Variants in SPTB observed in about 807,000 individuals in gnomAD.
SPTB encodes spectrin beta chain, erythrocytic.
In SPTB, 45 loss-of-function variants were observed where a neutral mutation model predicts 256.2. The observed-to-expected ratio is 0.18, with a 90% CI of 0.14 to 0.23. SPTB has a LOEUF of 0.23. SPTB is among the 10% of genes least tolerant of loss of function. The pLI is 1.00. For missense variants in SPTB, 2,715 were observed against 3,040.4 expected (o/e 0.89, Z 2.52); for synonymous variants, 1,231 against 1,243.1 (o/e 0.99, Z 0.21).
chr14:64,811,989 A>T (rs958415224), intron 2 of SPTB, among the ~76,000 whole-genome samples: 1 of 152,270 alleles, frequency 6.6e-6, no homozygotes, highest in Non-Finnish European at 1.5e-5. Context: ...TTTATCCTAC[A>T]GATCTATTCA....
chr14:64,803,503 G>A (rs2082926984), intron 4 of SPTB, 104 bp downstream of exon 4: 7 of 1,433,124 alleles, frequency 4.9e-6, no homozygotes, highest in Non-Finnish European at 6.9e-6. Context: ...AGCCTTCCCA[G>A]AATGTGCACT....
At chr14:64,855,380 C>T (rs1422690652) in intron 1 of SPTB, among the ~76,000 whole-genome samples, 2 of 152,146 alleles carry the variant, frequency 1.3e-5, no homozygotes, top group Non-Finnish European at 2.9e-5. Flanking sequence ...AGGAAAATGA[C>T]ACTCTAAGAA....
chr14:64,820,502 T>C (rs961877996), intron 2 of SPTB, among the ~76,000 whole-genome samples: 6 of 152,246 alleles, frequency 3.9e-5, no homozygotes, highest in African/African-American at 1.2e-4. Context: ...TATTTACTTG[T>C]TGGCCAGATG....
chr14:64,749,277 G>GA lies in SPTB; in HGVS notation c.*28dup. The GA allele has an allele frequency of 6.4e-7, 1 of 1,552,814 alleles. No homozygotes were observed. Among genetic ancestry groups the GA allele is most frequent in the Non-Finnish European group, 8.7e-7 (1 of 1,154,308 alleles). On this transcript the variant is annotated 3_prime_UTR_variant, in exon 36 of 36. Coordinates refer to ENST00000644917, the MANE Select transcript of SPTB (RefSeq NM_001355436.2). This position sits in a 1 kb window ranked among gnomAD's most constrained non-coding sequence, Gnocchi z 4.7. ...GGGCTGCCCGGTCTCTGCGCGTCCC[G>GA]ACTCCGCCGCGCCCGCCAGCCCCAC... is the stretch of plus-strand genomic sequence containing the variant.
chr14:64,799,118 T>C lies in SPTB; in HGVS notation c.1064+629A>G, dbSNP rs139453448. ...ATGAGTGCACGGTTGTGTGTGTATG[T>C]TTGTGTGTGCATGCATGTTCATGGG... On this transcript the variant is annotated intron_variant, in intron 9 of 35. Coordinates refer to ENST00000644917, the MANE Select transcript of SPTB (RefSeq NM_001355436.2). 2.6e-3 allele frequency among the ~76,000 whole-genome samples: 391 copies of C among 152,292 alleles called. 1 individual carries two copies. The highest frequency in any genetic ancestry group is 4.3e-3 in the Admixed American group (66 of 15,310).
rs111849078 is a variant in SPTB at position 64,774,434 on chromosome 14, G to A, written c.4936C>T (p.Arg1646Trp). 1.3e-5 allele frequency: 20 copies of A among 1,575,358 alleles called. No individual in the cohort carries two copies. Among genetic ancestry groups the A allele is most frequent in the African/African-American group, 5.4e-5 (4 of 74,114 alleles). Residue 1646 changes from arginine (R) to tryptophan (W), a missense_variant, in exon 24 of 36, where the codon CGG becomes TGG. By Grantham distance (101) the Arg-to-Trp change is moderately radical. This residue lies in a region of SPTB where 2,239 missense variants were observed against 2,384.4 expected (regional missense o/e 0.94). Coordinates refer to ENST00000644917, the MANE Select transcript of SPTB (RefSeq NM_001355436.2). ...YGRNIKQLAS[R>W]AQGLLSAGHP... Reference sequence around the variant, plus strand: ...CCTGCAGACAGCAGGCCCTGGGCCCGGCTGGCCAGCTGCTTGATGTTCCGG... The same window carrying A: ...CCTGCAGACAGCAGGCCCTGGGCCCAGCTGGCCAGCTGCTTGATGTTCCGG...
At chr14:64,794,402 T>C (rs1418957227) in intron 13 of SPTB, 65 bp downstream of exon 13, 28 of 1,594,336 alleles carry the variant, frequency 1.8e-5, no homozygotes, top group East Asian at 1.1e-4. Context: ...CCAAGTTGGG[T>C]TGTTAGGCCA....
At chr14:64,768,778 G>C (rs1016498653) in intron 29 of SPTB, among the ~76,000 whole-genome samples, 1 of 152,184 alleles carries the variant, frequency 6.6e-6, no homozygotes, top group Non-Finnish European at 1.5e-5. Flanking sequence ...ATGAGGCTGG[G>C]GACAAGTGCG....
At chr14:64,811,927 T>C (rs913923778) in intron 2 of SPTB, among the ~76,000 whole-genome samples, 24 of 152,224 alleles carry the variant, frequency 1.6e-4, no homozygotes, top group African/African-American at 5.5e-4. Flanking sequence ...GCAAGACCCA[T>C]CAGAATTACA....
chr14:64,801,160 C>T, intron 7 of SPTB, 125 bp downstream of exon 7: 1 of 801,720 alleles, frequency 1.2e-6, no homozygotes, highest in South Asian at 1.6e-5. Context: ...CTGCCCCTCA[C>T]TGTGCCCACA....
Position 64,845,415 on chromosome 14 carries a change from C to A in SPTB, c.-51-22270G>T, listed in dbSNP as rs1216470096. On this transcript the variant is annotated intron_variant, in intron 1 of 35. Coordinates refer to ENST00000644917, the MANE Select transcript of SPTB (RefSeq NM_001355436.2). This position sits in a 1 kb window ranked among gnomAD's most constrained non-coding sequence, Gnocchi z 4.8. ...CTGTGTGCCTTTGGAAACTATAAGCCTATTTACAAGTTATAATCTTAGCCC... is the reference window on the plus strand; with the variant it reads ...CTGTGTGCCTTTGGAAACTATAAGCATATTTACAAGTTATAATCTTAGCCC... Among the ~76,000 whole-genome samples the A allele has an allele frequency of 6.6e-6, 1 of 152,206 alleles. No individual in the cohort carries two copies. The highest frequency in any genetic ancestry group is 1.5e-5 in the Non-Finnish European group (1 of 68,038).
At position 64,795,414 on chromosome 14, in the gene SPTB, T is replaced by G. The variant is rs1416752075; in HGVS notation, c.1567A>C (p.Arg523=). 8.7e-6 allele frequency: 14 copies of G among 1,614,062 alleles called. No individual in the cohort carries two copies. In the East Asian group the frequency reaches 3.1e-4, roughly 36 times the overall value. The stretch of plus-strand genomic sequence containing the variant: ...TGCAGTGCCAGGGTGGTCTCGAGCC[T>G]CTGGCGCCGGGACTGCAGCAGCTCC... ...LQELLQSRRQ[R]LETTLALQKL... is the part of the protein sequence containing the mutation. The change falls in exon 12 of 36, where the codon AGG becomes CGG. Residue 523 remains arginine, a synonymous_variant. Transcript: ENST00000644917. The surrounding 1 kb of genome is among the most constrained non-coding windows in gnomAD (Gnocchi z 6.5).
In SPTB at chr14:64,772,084, C is replaced by T. The variant is rs754162397; in HGVS notation, c.5553+496G>A. Among the ~76,000 whole-genome samples, 3 of 152,166 alleles carry T rather than the reference C, an allele frequency of 2.0e-5. No individual in the cohort carries two copies. Among genetic ancestry groups the T allele is most frequent in the Non-Finnish European group, 4.4e-5 (3 of 68,024 alleles). On this transcript the variant is annotated intron_variant, in intron 26 of 35. Transcript: ENST00000644917. The surrounding 1 kb of genome is among the most constrained non-coding windows in gnomAD (Gnocchi z 5.4). ...TCCCATGTGGAAAGGCTGAAGTGCC[C>T]GGTGGCTAAGTATGTGGGGTCTATA...
At chr14:64,761,087 C>A (rs1159123616) in intron 32 of SPTB, among the ~76,000 whole-genome samples, 3 of 152,122 alleles carry the variant, frequency 2.0e-5, no homozygotes, top group Non-Finnish European at 4.4e-5. Flanking sequence ...CTGCTAGATG[C>A]CTTAGGCAAC....
chr14:64,749,004 G>A lies in SPTB; in HGVS notation c.*302C>T. 1 of 307,472 alleles carries A rather than the reference G, an allele frequency of 3.3e-6. No homozygotes were observed. The highest frequency in any genetic ancestry group is 3.6e-5 in the South Asian group (1 of 27,620). The allele number at this position is 307,472 out of a possible 1,614,324, so 19.0% of individuals were successfully genotyped here. A position where few individuals can be genotyped will look rare whatever the true frequency, so the allele number is the denominator to read the frequency against. ...CCCTCGGCTCAGGAGGAGGGTGGGAGAGGAGGGCGTGTGCCTCAGAGAACC... is the reference window on the plus strand; with the variant it reads ...CCCTCGGCTCAGGAGGAGGGTGGGAAAGGAGGGCGTGTGCCTCAGAGAACC... On this transcript the variant is annotated 3_prime_UTR_variant, in exon 36 of 36. Coordinates refer to ENST00000644917, the MANE Select transcript of SPTB (RefSeq NM_001355436.2). The surrounding 1 kb of genome is among the most constrained non-coding windows in gnomAD (Gnocchi z 4.7).
intron 20 of SPTB, among the ~76,000 whole-genome samples, chr14:64,780,395 C>A (rs960062833): frequency 6.6e-6 from 1 of 152,192 alleles, no homozygotes; most frequent in Non-Finnish European, 1.5e-5. Flanking sequence ...TGACATTCTT[C>A]AAAGAACTAG....
chr14:64,813,428 G>A (rs1049721781), intron 2 of SPTB, among the ~76,000 whole-genome samples: 18 of 152,182 alleles, frequency 1.2e-4, no homozygotes, highest in Admixed American at 1.1e-3. Flanking sequence ...GCTCTTTGCA[G>A]GTTCACAATT....
chr14:64,805,005 G>A lies in SPTB; in HGVS notation c.234C>T (p.Leu78=). 1.2e-6 allele frequency: 2 copies of A among 1,614,184 alleles called. No individual in the cohort carries two copies. The highest frequency in any genetic ancestry group is 1.7e-6 in the Non-Finnish European group (2 of 1,180,034). The change falls in exon 3 of 36, where the codon CTC becomes CTT. Residue 78 remains leucine (L), a synonymous_variant. Transcript: ENST00000644917. ...TGCGCCCATCCCGCAGGTCCTTGTA[G>A]AGATCGGTGATGCGGCAGGACACTC... ...LARVSCRITD[L]YKDLRDGRML...
At position 64,751,806 on chromosome 14, in the gene SPTB, G is replaced by A. The variant is rs1379920646; in HGVS notation, c.6603-1652C>T. On this transcript the variant is annotated intron_variant, in intron 33 of 35. Transcript: ENST00000644917. ...TTTACAAATAGGGCTCATGTCGGCCGGGCGTGGTGGCTCACACCTGTAATC... is the reference window on the plus strand; with the variant it reads ...TTTACAAATAGGGCTCATGTCGGCCAGGCGTGGTGGCTCACACCTGTAATC... 2.6e-5 allele frequency among the ~76,000 whole-genome samples: 4 copies of A among 151,506 alleles called. No individual in the cohort carries two copies. In the East Asian group the frequency reaches 5.8e-4, roughly 22 times the overall value.
Sources: allele counts gnomAD v4.1 joint callset (sites outside exome capture counted in the v4.1 genomes callset), GRCh38; gene constraint gnomAD v4.1.1; regional missense constraint gnomAD v4.1.1; non-coding constraint Gnocchi (gnomAD v3.1); transcripts MANE v1.5; gene names NCBI Gene and HGNC (gene_info 2026-07-23, HGNC 2026-07-21).